The following FRMPD4 variants were observed in gnomAD, a reference collection of about 807,000 sequenced individuals.
The protein encoded by FRMPD4 is FERM and PDZ domain-containing protein 4.
FRMPD4 carries 22 observed loss-of-function variants against 94.1 expected under a neutral mutation model. The observed-to-expected ratio is 0.23, with a 90% CI of 0.17 to 0.33. The LOEUF (loss-of-function observed/expected upper bound fraction) is 0.33. FRMPD4 is among the 10% of genes least tolerant of loss of function. The pLI is 1.00. For missense variants in FRMPD4, 1,111 were observed against 1,339.9 expected, an observed-to-expected ratio of 0.83 and a Z score of 2.67; for synonymous variants, 631 against 548.6, an observed-to-expected ratio of 1.15 and a Z score of -2.10.
intron 4 of FRMPD4, among the ~76,000 whole-genome samples, chrX:12,620,091 T>G (rs142894148): frequency 0.025 from 2,856 of 112,365 alleles, 104 homozygotes; most frequent in African/African-American, 0.088. Flanking sequence ...TTGATCCAAC[T>G]GCAGATCCTG....
intron 3 of FRMPD4, among the ~76,000 whole-genome samples, chrX:12,100,182 A>ATACT (rs1476142464): frequency 8.9e-6 from 1 of 112,256 alleles, no homozygotes; most frequent in African/African-American, 3.2e-5. Context: ...TAGAGTTAGT[A>ATACT]TACTTAAACC....
chrX:12,710,022 G>A (rs1039425722), intron 13 of FRMPD4, among the ~76,000 whole-genome samples: 4 of 111,135 alleles, frequency 3.6e-5, no homozygotes, highest in East Asian at 5.6e-4. Context: ...CAACTATTCC[G>A]GAGGCTGAGG....
intron 4 of FRMPD4, among the ~76,000 whole-genome samples, chrX:12,616,750 C>T (rs550537391): frequency 2.7e-5 from 3 of 112,447 alleles, no homozygotes; most frequent in Non-Finnish European, 5.6e-5. Context: ...CAGGGGCATA[C>T]CTTATCTAGG....
chrX:12,261,736 C>G (rs545227303), intron 1 of FRMPD4, among the ~76,000 whole-genome samples: 1 of 111,743 alleles, frequency 8.9e-6, no homozygotes, highest in Non-Finnish European at 1.9e-5. Flanking sequence ...GTACATCATC[C>G]AGCTTCAACA....
At chrX:11,988,335 G>A (rs183786994) in intron 3 of FRMPD4, among the ~76,000 whole-genome samples, 343 of 111,450 alleles carry the variant, frequency 3.1e-3, no homozygotes, top group African/African-American at 0.011. Flanking sequence ...ATACATTAGG[G>A]GAAAAGACAG....
intron 4 of FRMPD4, among the ~76,000 whole-genome samples, chrX:12,663,524 G>A (rs928638624): frequency 3.5e-4 from 39 of 112,062 alleles, no homozygotes; most frequent in African/African-American, 1.2e-3. Flanking sequence ...CACTATTTAT[G>A]AAGCATCTGT....
chrX:12,481,950 A>AAAAAAAAAAAAAAT (rs2057689441), intron 1 of FRMPD4, among the ~76,000 whole-genome samples: 7 of 88,386 alleles, frequency 7.9e-5, no homozygotes, highest in Non-Finnish European at 1.4e-4. Context: ...CTCAAAAAAA[A>AAAAAAAAAAAAAAT]AAAAAAAAAA....
intron 3 of FRMPD4, among the ~76,000 whole-genome samples, chrX:12,099,856 A>C (rs941350145): frequency 8.9e-6 from 1 of 112,835 alleles, no homozygotes; most frequent in African/African-American, 3.2e-5. Flanking sequence ...GTGTGGCCTA[A>C]GGCAAGTTGC....
intron 2 of FRMPD4, among the ~76,000 whole-genome samples, chrX:12,560,716 TCCCTAGTGTATGCACCTC>T (rs2058646590): frequency 1.0e-5 from 1 of 100,091 alleles, no homozygotes; most frequent in Non-Finnish European, 2.0e-5. Context: ...GTAAGGGTTC[TCCCTAGTGTATGCACCTC>T]CCCTCATCTT....
At position 12,701,284 on chromosome X, in the gene FRMPD4, G is replaced by T. The variant is rs181561833; in HGVS notation, c.934-590G>T. Among the ~76,000 whole-genome samples, 266 of 109,693 alleles carry T rather than the reference G, an allele frequency of 2.4e-3. 3 individuals carry two copies. Among genetic ancestry groups the T allele is most frequent in the African/African-American group, 8.4e-3 (252 of 30,068 alleles). On this transcript the variant is annotated intron_variant, in intron 9 of 16. Coordinates refer to ENST00000675598, the MANE Select transcript of FRMPD4 (RefSeq NM_001368397.1). ...GACTGGATTTCGCCATGTTGCCCAG[G>T]CTGGTCTTGAACTCCAGGGCTCACG...
At position 12,214,522 on chromosome X, in the gene FRMPD4, C is replaced by G. The variant is rs1044784243; in HGVS notation, c.41+75510C>G. The stretch of plus-strand genomic sequence containing the variant: ...AAATTTATTGTTTGTTTGTAAGAAA[C>G]CTAAATAAAGAGTGAAAAGAGACCT... On this transcript the variant is annotated intron_variant, in intron 1 of 16. Transcript: ENST00000675598. Among the ~76,000 whole-genome samples, 119 of 112,286 alleles carry G rather than the reference C, an allele frequency of 1.1e-3. 1 individual carries two copies. The highest frequency in any genetic ancestry group is 3.8e-3 in the African/African-American group (117 of 30,989).
At chrX:12,133,147 G>A (rs910818035) in intron 3 of FRMPD4, among the ~76,000 whole-genome samples, 6 of 111,563 alleles carry the variant, frequency 5.4e-5, no homozygotes. Context: ...TCATTAAAAG[G>A]AACAGGAGGA....
chrX:12,424,931 G>A (rs2056928218), intron 1 of FRMPD4, among the ~76,000 whole-genome samples: 1 of 111,164 alleles, frequency 9.0e-6, no homozygotes, highest in Admixed American at 9.6e-5. Flanking sequence ...TGTCAAAGAC[G>A]AGCCTTACTC....
At chrX:12,538,637 A>G (rs1370055932) in intron 2 of FRMPD4, among the ~76,000 whole-genome samples, 1 of 111,743 alleles carries the variant, frequency 8.9e-6, no homozygotes, top group Non-Finnish European at 1.9e-5. Flanking sequence ...CTTCCAGAGG[A>G]ACGATCAGGC....
intron 1 of FRMPD4, among the ~76,000 whole-genome samples, chrX:12,438,155 A>G (rs1024390686): frequency 2.7e-5 from 3 of 111,311 alleles, no homozygotes; most frequent in African/African-American, 6.5e-5. Flanking sequence ...ACCAACTCAC[A>G]AAAGGTTTTC....
chrX:12,308,849 A>C (rs2147903040), intron 1 of FRMPD4, among the ~76,000 whole-genome samples: 1 of 112,880 alleles, frequency 8.9e-6, no homozygotes, highest in South Asian at 3.6e-4. Flanking sequence ...TTTTAATAAA[A>C]ATCTTGACCA....
chrX:12,084,235 A>G (rs2055088227), intron 3 of FRMPD4, among the ~76,000 whole-genome samples: 1 of 108,672 alleles, frequency 9.2e-6, no homozygotes, highest in Non-Finnish European at 1.9e-5. Context: ...TCTCATGATA[A>G]TGAATAACTC....
At chrX:12,532,333 C>T (rs750211780) in intron 2 of FRMPD4, among the ~76,000 whole-genome samples, 3 of 111,721 alleles carry the variant, frequency 2.7e-5, no homozygotes, top group South Asian at 7.6e-4. Flanking sequence ...TATGTTTAAA[C>T]TAGAAGAGAG....
chrX:11,942,228 CTTTTTTTTT>C (rs560019319), intron 3 of FRMPD4, among the ~76,000 whole-genome samples: 4 of 79,163 alleles, frequency 5.1e-5, no homozygotes, highest in African/African-American at 1.8e-4. Context: ...TTTTTCTTTC[CTTTTTTTTT>C]TTTTTTTTTT....
Sources: allele counts gnomAD v4.1 joint callset (sites outside exome capture counted in the v4.1 genomes callset), GRCh38; gene constraint gnomAD v4.1.1; transcripts MANE v1.5; gene names NCBI Gene and HGNC (gene_info 2026-07-23, HGNC 2026-07-21).